The following MALRD1 variants were observed in gnomAD, a reference collection of about 807,000 sequenced individuals.
The protein encoded by MALRD1 is MAM and LDL-receptor class A domain-containing protein 1.
Under a neutral mutation model 242.1 loss-of-function variants are expected in MALRD1, and 247 were observed. That is an observed-to-expected ratio of 1.02 (90% CI 0.92 to 1.13). MALRD1 has a LOEUF of 1.13. Among genes scored for constraint, MALRD1 ranks in the 50% most tolerant of loss-of-function variants. MALRD1 has a pLI of 0.00. For synonymous variants in MALRD1, 995 were observed against 866.6 expected, an observed-to-expected ratio of 1.15 and a Z score of -2.60; for missense variants, 2,989 against 2,533.1, an observed-to-expected ratio of 1.18 and a Z score of -3.86.
intron 2 of MALRD1, among the ~76,000 whole-genome samples, chr10:19,072,376 C>T (rs1233977459): frequency 6.6e-6 from 1 of 152,068 alleles, no homozygotes; most frequent in Admixed American, 6.6e-5. Context: ...TTATGTTAAC[C>T]TTTTATTTAT....
At chr10:19,303,376 A>AAG (rs1842033189) in intron 21 of MALRD1, among the ~76,000 whole-genome samples, 2 of 151,742 alleles carry the variant, frequency 1.3e-5, no homozygotes, top group Non-Finnish European at 1.5e-5. Flanking sequence ...TAACTTATTT[A>AAG]ATATATAAAT....
chr10:19,569,292 A>G (rs1405499305), intron 33 of MALRD1, among the ~76,000 whole-genome samples: 4 of 151,806 alleles, frequency 2.6e-5, no homozygotes, highest in African/African-American at 4.8e-5. Flanking sequence ...CCTGGCACCA[A>G]TTTTCTCCAG....
chr10:19,511,592 A>G (rs1324222358), intron 31 of MALRD1, among the ~76,000 whole-genome samples: 2 of 152,232 alleles, frequency 1.3e-5, no homozygotes, highest in Admixed American at 6.5e-5. Flanking sequence ...TTAGCTTTAA[A>G]CAAGGAATAT....
rs148640769 is a variant in MALRD1 at position 19,319,639 on chromosome 10, G to A, written c.3420-4310G>A. On this transcript the variant is annotated intron_variant, in intron 21 of 39. Coordinates refer to ENST00000454679, the MANE Select transcript of MALRD1 (RefSeq NM_001142308.3). ...TTGGATCATGGTGCTGGCGGAATTGGTATCTGGTGAGGGCCTATTTCCTCC... is the reference window on the plus strand; with the variant it reads ...TTGGATCATGGTGCTGGCGGAATTGATATCTGGTGAGGGCCTATTTCCTCC... Among the ~76,000 whole-genome samples the A allele has an allele frequency of 5.3e-5, 8 of 152,136 alleles. No individual in the cohort carries two copies. In the East Asian group the frequency reaches 7.7e-4, roughly 15 times the overall value.
At chr10:19,370,653 C>T (rs979009211) in intron 26 of MALRD1, among the ~76,000 whole-genome samples, 4 of 152,148 alleles carry the variant, frequency 2.6e-5, no homozygotes, top group African/African-American at 7.2e-5. Context: ...ACTCAGTTCA[C>T]TTCAACCTCT....
At chr10:19,288,860 T>C (rs1841269737) in intron 21 of MALRD1, among the ~76,000 whole-genome samples, 1 of 152,096 alleles carries the variant, frequency 6.6e-6, no homozygotes, top group African/African-American at 2.4e-5. Flanking sequence ...ACTAATGGTG[T>C]CTCTGCTGCT....
chr10:19,689,017 C>A (rs1045651938), intron 36 of MALRD1, among the ~76,000 whole-genome samples: 1 of 152,148 alleles, frequency 6.6e-6, no homozygotes, highest in African/African-American at 2.4e-5. Flanking sequence ...GAAAGAAAAG[C>A]AACAGCAACA....
At chr10:19,529,777 CAT>C (rs1394024459) in intron 31 of MALRD1, among the ~76,000 whole-genome samples, 2 of 151,856 alleles carry the variant, frequency 1.3e-5, no homozygotes, top group African/African-American at 4.8e-5. Context: ...CATGGAGAAA[CAT>C]ATACCATGCT....
intron 19 of MALRD1, among the ~76,000 whole-genome samples, chr10:19,264,685 C>T (rs975018238): frequency 5.3e-5 from 8 of 152,076 alleles, no homozygotes; most frequent in Non-Finnish European, 1.0e-4. Context: ...GATCTCCTGG[C>T]CTCGTTATCC....
intron 32 of MALRD1, among the ~76,000 whole-genome samples, chr10:19,557,448 G>C (rs893394815): frequency 6.6e-6 from 1 of 151,670 alleles, no homozygotes; most frequent in African/African-American, 2.4e-5. Flanking sequence ...ATAATTTTGA[G>C]TTAATTTTGG....
At chr10:19,097,038 T>C (rs953404747) in intron 4 of MALRD1, among the ~76,000 whole-genome samples, 1 of 152,242 alleles carries the variant, frequency 6.6e-6, no homozygotes, top group Non-Finnish European at 1.5e-5. Context: ...AGAGAGTTTC[T>C]GAAGATATTT....
chr10:19,412,393 T>C (rs899482257), intron 28 of MALRD1, among the ~76,000 whole-genome samples: 2 of 152,174 alleles, frequency 1.3e-5, no homozygotes, highest in Admixed American at 1.3e-4. Flanking sequence ...GAAGGGGTAC[T>C]GGAAAAACCC....
chr10:19,713,102 G>A (rs959794592), intron 38 of MALRD1, among the ~76,000 whole-genome samples: 1 of 151,964 alleles, frequency 6.6e-6, no homozygotes, highest in African/African-American at 2.4e-5. Flanking sequence ...TCTGTACAGG[G>A]GAGCTTCTTT....
chr10:19,434,308 C>T (rs1834263819), intron 28 of MALRD1, among the ~76,000 whole-genome samples: 3 of 152,074 alleles, frequency 2.0e-5, no homozygotes, highest in Admixed American at 6.6e-5. Flanking sequence ...CATAATTATT[C>T]TCTCAGGGAA....
At chr10:19,411,314 T>A (rs1002902751) in intron 28 of MALRD1, among the ~76,000 whole-genome samples, 3 of 152,168 alleles carry the variant, frequency 2.0e-5, no homozygotes, top group African/African-American at 7.2e-5. Flanking sequence ...TTCCAAAAAC[T>A]ACCACTAGCA....
intron 26 of MALRD1, among the ~76,000 whole-genome samples, chr10:19,372,889 A>G (rs1845440262): frequency 3.3e-5 from 5 of 152,130 alleles, no homozygotes; most frequent in Admixed American, 2.6e-4. Context: ...TAGTTTTTAA[A>G]AGCTCAGCAG....
rs554187022 is a variant in MALRD1 at position 19,418,771 on chromosome 10, G to A, written c.4845+29162G>A. Reference sequence around the variant, plus strand: ...TCAAATCTTAAGGTCAATAAATTGTGATTGTCTCTCAGTTAAACCCTTAAG... The same window carrying A: ...TCAAATCTTAAGGTCAATAAATTGTAATTGTCTCTCAGTTAAACCCTTAAG... On this transcript the variant is annotated intron_variant, in intron 28 of 39. Transcript: ENST00000454679. 5.6e-4 allele frequency among the ~76,000 whole-genome samples: 86 copies of A among 152,250 alleles called. 1 individual carries two copies. The South Asian group carries it at 0.017, about 30-fold the overall frequency.
chr10:19,643,616 G>A (rs1840506404), intron 36 of MALRD1, among the ~76,000 whole-genome samples: 1 of 152,014 alleles, frequency 6.6e-6, no homozygotes, highest in Non-Finnish European at 1.5e-5. Context: ...TCTGACTTGA[G>A]CCCCCATACT....
chr10:19,659,621 G>A (rs774096069), intron 36 of MALRD1, among the ~76,000 whole-genome samples: 1 of 151,908 alleles, frequency 6.6e-6, no homozygotes, highest in African/African-American at 2.4e-5. Flanking sequence ...TTAGAATAAC[G>A]CATTGTCTGG....
Sources: gnomAD v4.1 joint callset for allele counts (sites outside exome capture counted in the v4.1 genomes callset) on GRCh38, gnomAD v4.1.1 for gene constraint, MANE v1.5 for transcripts, NCBI Gene and HGNC (gene_info 2026-07-23, HGNC 2026-07-21) for gene names.